Variants in RSBN1 observed in about 807,000 individuals in gnomAD.
RSBN1 encodes round spermatid basic protein 1, also known as lysine-specific demethylase 9.
RSBN1 carries 23 observed loss-of-function variants against 74.8 expected under a neutral mutation model. The observed-to-expected ratio is 0.31, with a 90% CI of 0.22 to 0.44. The LOEUF (loss-of-function observed/expected upper bound fraction) is 0.44, where lower values mean the gene tolerates loss of function less well. RSBN1 is among the 20% of genes least tolerant of loss of function. The probability of loss-of-function intolerance (pLI) is 1.00; values close to 1 mark genes in which losing one functional copy is unlikely to be tolerated. For missense variants in RSBN1, 808 were observed against 1,020.9 expected (o/e 0.79, Z 2.84); for synonymous variants, 407 against 379.6 (o/e 1.07, Z -0.84).
intron 1 of RSBN1, among the ~76,000 whole-genome samples, chr1:113,809,941 G>T (rs1660796775): frequency 6.6e-6 from 1 of 152,206 alleles, no homozygotes; most frequent in African/African-American, 2.4e-5. Flanking sequence ...CTATCAGTCA[G>T]CATTAGGTCA....
intron 2 of RSBN1, among the ~76,000 whole-genome samples, chr1:113,793,022 C>A (rs1248121049): frequency 6.6e-6 from 1 of 152,114 alleles, no homozygotes; most frequent in Non-Finnish European, 1.5e-5. Flanking sequence ...CTAGCTTTAG[C>A]CACCACAATA....
Position 113,811,953 on chromosome 1 carries a change from C to A in RSBN1, c.460G>T (p.Ala154Ser), listed in dbSNP as rs372417546. Residue 154 changes from alanine (A) to serine (S), a missense_variant, in exon 1 of 7, where the codon GCC (alanine) becomes TCC (serine). This residue lies in a region of RSBN1 where 464 missense variants were observed against 401.0 expected (regional missense o/e 1.16). Coordinates refer to ENST00000261441, the MANE Select transcript of RSBN1 (RefSeq NM_018364.5). ...AGAGGGGCAGCGACAGCGGGCCCGG[C>A]GGGTGCCAGCGAAGGTGGCGGCGGA... ...PPPPPPSLAP[A>S]GPAVAAPLPA... 41 of 1,586,324 alleles carry A rather than the reference C, an allele frequency of 2.6e-5. No individual in the cohort carries two copies. The highest frequency in any genetic ancestry group is 3.6e-5 in the Admixed American group (2 of 55,766).
intron 2 of RSBN1, among the ~76,000 whole-genome samples, chr1:113,788,852 A>G (rs1660309424): frequency 6.6e-6 from 1 of 152,128 alleles, no homozygotes; most frequent in African/African-American, 2.4e-5. Context: ...CCTGGAAAAC[A>G]CAGGAAGACC....
chr1:113,807,167 A>T (rs1660719224), intron 1 of RSBN1, among the ~76,000 whole-genome samples: 1 of 151,886 alleles, frequency 6.6e-6, no homozygotes. Flanking sequence ...CACAAAAATT[A>T]GCCGGGCATG....
rs114859215 is a variant in RSBN1 at position 113,782,456 on chromosome 1, C to T, written c.1378-4648G>A. On this transcript the variant is annotated intron_variant, in intron 2 of 6. Coordinates refer to ENST00000261441, the MANE Select transcript of RSBN1 (RefSeq NM_018364.5). ...TAAAGGAAAACAGATATTTGACAGACAGGAGGAAGAGTTAGCTAAAGAAAT... is the reference window on the plus strand; with the variant it reads ...TAAAGGAAAACAGATATTTGACAGATAGGAGGAAGAGTTAGCTAAAGAAAT... Among the ~76,000 whole-genome samples the T allele has an allele frequency of 7.2e-3, 1,089 of 152,196 alleles. 7 individuals are homozygous for T. The highest frequency in any genetic ancestry group is 0.012 in the South Asian group (56 of 4,826).
At chr1:113,773,305 C>T (rs1659916935) in intron 4 of RSBN1, among the ~76,000 whole-genome samples, 2 of 151,776 alleles carry the variant, frequency 1.3e-5, no homozygotes, top group Non-Finnish European at 2.9e-5. Context: ...TGGCTAGATC[C>T]CTTGAGGCCA....
chr1:113,811,669 A>G, intron 1 of RSBN1, 41 bp downstream of exon 1: 1 of 1,531,106 alleles, frequency 6.5e-7, no homozygotes, highest in Middle Eastern at 1.8e-4. Flanking sequence ...CGGAACTGAG[A>G]GAGACCTAGA....
chr1:113,768,133 T>A, intron 5 of RSBN1, 89 bp downstream of exon 5: 4 of 1,168,940 alleles, frequency 3.4e-6, no homozygotes, highest in Non-Finnish European at 4.7e-6. Context: ...TTACCACAAT[T>A]TAAAAAACTG....
chr1:113,805,026 CTT>C (rs1660675047), intron 1 of RSBN1, among the ~76,000 whole-genome samples: 1 of 151,790 alleles, frequency 6.6e-6, no homozygotes, highest in Admixed American at 6.6e-5. Flanking sequence ...CCTTTCTTTC[CTT>C]TTTAACAACA....
intron 2 of RSBN1, among the ~76,000 whole-genome samples, chr1:113,788,607 C>G (rs1571303313): frequency 6.6e-6 from 1 of 152,174 alleles, no homozygotes; most frequent in East Asian, 1.9e-4. Context: ...AACAGCAACA[C>G]TGTAAGTTTA....
At chr1:113,779,010 G>C (rs1170488395) in intron 2 of RSBN1, among the ~76,000 whole-genome samples, 1 of 152,160 alleles carries the variant, frequency 6.6e-6, no homozygotes, top group African/African-American at 2.4e-5. Context: ...AGGATAGAGA[G>C]ATGGATCCTG....
rs66958734 is a variant in RSBN1, at chr1:113,799,565, TACACACACACAC to T, written c.704-1541_704-1530del. Among the ~76,000 whole-genome samples the T allele has an allele frequency of 1.6e-3, 223 of 142,078 alleles. 1 individual carries two copies. Among genetic ancestry groups the T allele is most frequent in the African/African-American group, 2.1e-3 (83 of 39,008 alleles). The allele number at this position is 142,078 out of a possible 152,430, so 93.2% of individuals were successfully genotyped here. A position where few individuals can be genotyped will look rare whatever the true frequency, so the allele number is the denominator to read the frequency against. ...AAGTCTGTCTGATCTATAGATGCTT[TACACACACACAC>T]ACACACACACACACACACACACACA... is the stretch of plus-strand genomic sequence containing the variant. On this transcript the variant is annotated intron_variant, in intron 1 of 6. Coordinates refer to ENST00000261441, the MANE Select transcript of RSBN1 (RefSeq NM_018364.5).
chr1:113,801,621 A>T (rs903133089), intron 1 of RSBN1, among the ~76,000 whole-genome samples: 3 of 152,228 alleles, frequency 2.0e-5, no homozygotes, highest in Non-Finnish European at 4.4e-5. Context: ...TATTCAGCAC[A>T]TTTTTAGTAT....
At chr1:113,782,035 T>C (rs1328446565) in intron 2 of RSBN1, among the ~76,000 whole-genome samples, 2 of 152,196 alleles carry the variant, frequency 1.3e-5, no homozygotes, top group East Asian at 3.8e-4. Context: ...TAGAAAATCC[T>C]TTTTAAGGAA....
intron 2 of RSBN1, among the ~76,000 whole-genome samples, chr1:113,792,546 A>T (rs936646031): frequency 2.6e-5 from 4 of 152,296 alleles, no homozygotes; most frequent in South Asian, 2.1e-4. Flanking sequence ...CTATAAAAAA[A>T]TTTTTAAATT....
At position 113,798,044 on chromosome 1, in the gene RSBN1, CAAT is replaced by C. The variant is rs1660509350; in HGVS notation, c.704-11_704-9del. ...CATTTTCATCTGGTGTTTCTGGCCACAATAATTAAAAAGAAGTTAGTTGCTAGG... is the reference window on the plus strand; with the variant it reads ...CATTTTCATCTGGTGTTTCTGGCCACAATTAAAAAGAAGTTAGTTGCTAGG... On this transcript the variant is annotated splice_polypyrimidine_tract_variant and intron_variant, in intron 1 of 6. Coordinates refer to ENST00000261441, the MANE Select transcript of RSBN1 (RefSeq NM_018364.5). The C allele has an allele frequency of 6.3e-7, 1 of 1,585,390 alleles. No individual in the cohort carries two copies. The highest frequency in any genetic ancestry group is 2.2e-5 in the East Asian group (1 of 44,722).
Position 113,765,451 on chromosome 1 carries a change from T to C in RSBN1, c.*529A>G, listed in dbSNP as rs1326844850. 1 of 152,916 alleles carries C rather than the reference T, an allele frequency of 6.5e-6. No individual in the cohort carries two copies. The highest frequency in any genetic ancestry group is 2.4e-5 in the African/African-American group (1 of 41,448). 9.5% of individuals were successfully genotyped at this position (152,916 alleles called of 1,614,324 possible). A position where few individuals can be genotyped will look rare whatever the true frequency, so the allele number is the denominator to read the frequency against. On this transcript the variant is annotated 3_prime_UTR_variant, in exon 7 of 7. Coordinates refer to ENST00000261441, the MANE Select transcript of RSBN1 (RefSeq NM_018364.5). Reference sequence around the variant, plus strand: ...AACCAGAGAGCCACTGAAATTTCCTTGGAAACTACTTGTTATTTGTGGTTA... The same window carrying C: ...AACCAGAGAGCCACTGAAATTTCCTCGGAAACTACTTGTTATTTGTGGTTA...
chr1:113,801,079 CAG>C (rs1177717042), intron 1 of RSBN1, among the ~76,000 whole-genome samples: 2 of 151,858 alleles, frequency 1.3e-5, no homozygotes, highest in Non-Finnish European at 2.9e-5. Flanking sequence ...TCCCAGGTTC[CAG>C]AGAGTCTCCT....
intron 4 of RSBN1, among the ~76,000 whole-genome samples, chr1:113,775,058 CTT>C (rs1364124331): frequency 6.8e-6 from 1 of 147,822 alleles, no homozygotes; most frequent in East Asian, 2.0e-4. Flanking sequence ...AAGTCTTGCT[CTT>C]GTCCCCCAGG....
Sources: gnomAD v4.1 joint callset for allele counts (sites outside exome capture counted in the v4.1 genomes callset) on GRCh38, gnomAD v4.1.1 for gene constraint, gnomAD v4.1.1 regional missense constraint, MANE v1.5 for transcripts, NCBI Gene and HGNC (gene_info 2026-07-23, HGNC 2026-07-21) for gene names.